Variants in MCM9 observed in about 807,000 individuals in gnomAD.
The protein encoded by MCM9 is DNA helicase MCM9.
Under a neutral mutation model 72.8 loss-of-function variants are expected in MCM9, and 55 were observed. The ratio of observed to expected loss-of-function variants is 0.76; its 90% CI spans 0.61 to 0.95. The LOEUF (loss-of-function observed/expected upper bound fraction) is 0.95, where lower values mean the gene tolerates loss of function less well. Among genes scored for constraint, MCM9 ranks in the 40% least tolerant of loss-of-function variants. The pLI is 0.00. For missense variants in MCM9, 1,279 were observed against 1,377.0 expected (o/e 0.93, Z 1.13); for synonymous variants, 480 against 503.4 (o/e 0.95, Z 0.62).
At chr6:118,907,649 T>A in intron 8 of MCM9, 1 of 1,509,318 alleles carries the variant, frequency 6.6e-7, no homozygotes, top group Non-Finnish European at 9.2e-7. Flanking sequence ...ATTAAGCTAT[T>A]AAAAATACAC....
At chr6:118,820,916 T>C (rs1413743944) in intron 13 of MCM9, among the ~76,000 whole-genome samples, 1 of 152,232 alleles carries the variant, frequency 6.6e-6, no homozygotes, top group Non-Finnish European at 1.5e-5. Context: ...TGGTTTAAAG[T>C]CTGTTTCATC....
chr6:118,898,663 C>T (rs928584761), intron 8 of MCM9, among the ~76,000 whole-genome samples: 1 of 152,192 alleles, frequency 6.6e-6, no homozygotes, highest in Admixed American at 6.5e-5. Flanking sequence ...AGCCATCCAG[C>T]CACCTTAGCC....
In MCM9 at chr6:118,907,587, G is replaced by A. The variant is rs1055891472; in HGVS notation, c.1150+4063C>T. ...CATCAGAAAACTCACTAAATGTCAT[G>A]TTAGAATCCCACATGGACTGCATGT... On this transcript the variant is annotated intron_variant, in intron 8 of 13. Coordinates refer to ENST00000619706, the MANE Select transcript of MCM9 (RefSeq NM_017696.3). 4.3e-6 allele frequency: 7 copies of A among 1,613,460 alleles called. No individual in the cohort carries two copies. The African/African-American group carries it at 9.3e-5, about 22-fold the overall frequency.
rs986083576 is a variant in MCM9 at position 118,930,353 on chromosome 6, C to T, written c.304+1067G>A. ...GGTCTCGATTTCCTGACCTTGCGAT[C>T]TGCCCGCCTTGGCCTCCCAAAGTGC... is the stretch of plus-strand genomic sequence containing the variant. On this transcript the variant is annotated intron_variant, in intron 3 of 13. Transcript: ENST00000619706. Among the ~76,000 whole-genome samples, 3 of 152,312 alleles carry T rather than the reference C, an allele frequency of 2.0e-5. No individual in the cohort carries two copies. In the East Asian group the frequency reaches 5.8e-4, roughly 29 times the overall value.
Position 118,814,737 on chromosome 6 carries a change from C to T in MCM9, c.*87G>A, listed in dbSNP as rs979901098. 45 of 1,282,538 alleles carry T rather than the reference C, an allele frequency of 3.5e-5. No homozygotes were observed. Among genetic ancestry groups the T allele is most frequent in the African/African-American group, 9.0e-5 (6 of 66,512 alleles). 79.4% of individuals were successfully genotyped at this position (1,282,538 alleles called of 1,614,324 possible). A position where few individuals can be genotyped will look rare whatever the true frequency, so the allele number is the denominator to read the frequency against. ...GTGATCCTCAATATGGCCAATTGTTCTATACATTTATAAATACCATATTGA... is the reference window on the plus strand; with the variant it reads ...GTGATCCTCAATATGGCCAATTGTTTTATACATTTATAAATACCATATTGA... On this transcript the variant is annotated 3_prime_UTR_variant, in exon 14 of 14. Transcript: ENST00000619706.
chr6:118,846,469 G>A (rs568109953), intron 9 of MCM9, among the ~76,000 whole-genome samples: 1 of 151,832 alleles, frequency 6.6e-6, no homozygotes, highest in East Asian at 1.9e-4. Context: ...CATGTAGAGT[G>A]GGGAAATATT....
intron 8 of MCM9, among the ~76,000 whole-genome samples, chr6:118,902,528 C>T (rs1466812133): frequency 7.6e-6 from 1 of 131,526 alleles, no homozygotes. Flanking sequence ...ACTGATAATA[C>T]TTTTTTTTTT....
At chr6:118,850,982 C>T (rs1340224934) in intron 9 of MCM9, among the ~76,000 whole-genome samples, 2 of 151,670 alleles carry the variant, frequency 1.3e-5, no homozygotes, top group East Asian at 3.9e-4. Flanking sequence ...CTGTACTTGG[C>T]TGTTTTTTTG....
intron 8 of MCM9, among the ~76,000 whole-genome samples, chr6:118,867,339 G>A (rs548617382): frequency 9.2e-5 from 14 of 152,220 alleles, no homozygotes; most frequent in South Asian, 2.1e-4. Flanking sequence ...CCATTATAAC[G>A]CTGTAACACA....
chr6:118,873,342 C>T (rs1406600152), intron 8 of MCM9, among the ~76,000 whole-genome samples: 1 of 152,044 alleles, frequency 6.6e-6, no homozygotes, highest in Non-Finnish European at 1.5e-5. Context: ...ATCAACAAAA[C>T]CAAAAGCTGG....
rs1415153496 is a variant in MCM9, at chr6:118,813,690, A to T, written c.*1134T>A. On this transcript the variant is annotated 3_prime_UTR_variant, in exon 14 of 14. Coordinates refer to ENST00000619706, the MANE Select transcript of MCM9 (RefSeq NM_017696.3). ...TAATTACTGAATCCTAATAACCCTT[A>T]TTAGAATCCAAAGGAATAAGTGATT... 7 of 152,216 alleles carry T rather than the reference A, an allele frequency of 4.6e-5. No homozygotes were observed. The highest frequency in any genetic ancestry group is 5.9e-5 in the Non-Finnish European group (4 of 68,024). The allele number at this position is 152,216 out of a possible 1,614,324, so 9.4% of individuals were successfully genotyped here. A position where few individuals can be genotyped will look rare whatever the true frequency, so the allele number is the denominator to read the frequency against.
rs1480477858 is a variant in MCM9, at chr6:118,827,921, A to G, written c.1732+6T>C. The G allele has an allele frequency of 4.5e-6, 7 of 1,550,748 alleles. No individual in the cohort carries two copies. Among genetic ancestry groups the G allele is most frequent in the Non-Finnish European group, 6.1e-6 (7 of 1,146,948 alleles). ...ATACAAGCATCATTCGCTGAATGAA[A>G]TAGACCTTCTGCTAATCGTATCAAG... On this transcript the variant is annotated splice_donor_region_variant and intron_variant, in intron 11 of 13. Transcript: ENST00000619706.
At position 118,815,671 on chromosome 6, in the gene MCM9, T is replaced by C. The variant is rs933044768; in HGVS notation, c.2585A>G (p.Asn862Ser). 1 of 1,549,720 alleles carries C rather than the reference T, an allele frequency of 6.5e-7. No individual in the cohort carries two copies. The highest frequency in any genetic ancestry group is 8.7e-7 in the Non-Finnish European group (1 of 1,146,820). Residue 862 changes from asparagine (N) to serine (S), a missense_variant, in exon 14 of 14, where the codon AAT (asparagine) becomes AGT (serine). By Grantham distance (46) the Asn-to-Ser change is conservative. Coordinates refer to ENST00000619706, the MANE Select transcript of MCM9 (RefSeq NM_017696.3). ...GCACTGTGCAGGCACCCTGGTGCTA[T>C]TTCTGCACAACTTCTGGGCCCTCTC... is the stretch of plus-strand genomic sequence containing the variant. ...CKERAQKLCRNSTRVPAQCTV... is the reference protein window; with the variant it reads ...CKERAQKLCRSSTRVPAQCTV...
intron 8 of MCM9, among the ~76,000 whole-genome samples, chr6:118,887,188 G>GA (rs541631180): frequency 9.1e-4 from 138 of 151,574 alleles, no homozygotes; most frequent in Non-Finnish European, 1.7e-3. Context: ...AGCCAATATT[G>GA]AAAAAAAAGA....
At chr6:118,877,083 A>G (rs1014443554) in intron 8 of MCM9, among the ~76,000 whole-genome samples, 1 of 152,312 alleles carries the variant, frequency 6.6e-6, no homozygotes, top group East Asian at 1.9e-4. Flanking sequence ...AAGAAGCCTA[A>G]GCAACCTACA....
At chr6:118,858,042 T>C (rs976021973) in intron 8 of MCM9, among the ~76,000 whole-genome samples, 3 of 152,122 alleles carry the variant, frequency 2.0e-5, no homozygotes, top group African/African-American at 4.8e-5. Context: ...TGAATTGTCA[T>C]ACTAAACTAG....
intron 8 of MCM9, chr6:118,894,637 G>A (rs36193145): frequency 1.9e-4 from 172 of 904,224 alleles, no homozygotes; most frequent in East Asian, 4.3e-4. Context: ...GCCGCGGGCT[G>A]CTCTGCGGAG....
intron 1 of MCM9, among the ~76,000 whole-genome samples, chr6:118,933,504 CAAAAA>C (rs201751510): frequency 2.3e-5 from 3 of 130,920 alleles, no homozygotes; most frequent in African/African-American, 5.9e-5. Context: ...GACTCCGCCT[CAAAAA>C]AAAAAAAAAA....
At chr6:118,820,609 G>C (rs551869735) in intron 13 of MCM9, among the ~76,000 whole-genome samples, 51 of 152,272 alleles carry the variant, frequency 3.3e-4, no homozygotes, top group African/African-American at 1.2e-3. Flanking sequence ...TTCATTTGGG[G>C]TAGAGAGTTC....
Sources: gnomAD v4.1 joint callset for allele counts (sites outside exome capture counted in the v4.1 genomes callset) on GRCh38, gnomAD v4.1.1 for gene constraint, MANE v1.5 for transcripts, NCBI Gene and HGNC (gene_info 2026-07-23, HGNC 2026-07-21) for gene names.